ITPK1: variants seen among roughly 807,000 people sequenced by gnomAD.
The protein encoded by ITPK1 is inositol 1,3,4-trisphosphate 5/6-kinase.
In ITPK1, 21 loss-of-function variants were observed where a neutral mutation model predicts 45.3. That is an observed-to-expected ratio of 0.46 (90% CI 0.33 to 0.67). The LOEUF (loss-of-function observed/expected upper bound fraction) is 0.67. Ranked by LOEUF, ITPK1 falls within the 30% of genes least tolerant of loss-of-function variation. ITPK1 has a pLI of 0.02. For missense variants in ITPK1, 474 were observed against 573.5 expected, an observed-to-expected ratio of 0.83 and a Z score of 1.77; for synonymous variants, 258 against 253.6, an observed-to-expected ratio of 1.02 and a Z score of -0.16.
At chr14:93,107,964 G>A (rs370101024) in intron 2 of ITPK1, among the ~76,000 whole-genome samples, 5 of 152,350 alleles carry the variant, frequency 3.3e-5, no homozygotes, top group South Asian at 2.1e-4. Flanking sequence ...GGCCGCAGCC[G>A]GGAGGAAAGG....
intron 2 of ITPK1, among the ~76,000 whole-genome samples, chr14:93,110,049 A>G (rs1489148486): frequency 5.9e-5 from 9 of 152,138 alleles, no homozygotes; most frequent in African/African-American, 2.2e-4. Context: ...AAGCTAAATT[A>G]TTACCCTCAC....
chr14:92,986,973 T>G (rs1886516319), intron 5 of ITPK1, among the ~76,000 whole-genome samples: 1 of 152,212 alleles, frequency 6.6e-6, no homozygotes, highest in African/African-American at 2.4e-5. Context: ...TGCCAGGGGC[T>G]GCTGCCCTGT....
At chr14:92,948,985 C>A (rs1887827533) in intron 9 of ITPK1, among the ~76,000 whole-genome samples, 1 of 151,962 alleles carries the variant, frequency 6.6e-6, no homozygotes. Flanking sequence ...ACACAGGGCC[C>A]CCCTGCTCAC....
At chr14:93,078,323 G>A (rs1411427438) in intron 2 of ITPK1, among the ~76,000 whole-genome samples, 1 of 152,110 alleles carries the variant, frequency 6.6e-6, no homozygotes, top group East Asian at 1.9e-4. Context: ...ATTCAGTGAG[G>A]GCTTCCTCAA....
chr14:92,957,644 G>A (rs554065366), intron 8 of ITPK1, among the ~76,000 whole-genome samples: 34 of 152,306 alleles, frequency 2.2e-4, no homozygotes, highest in Middle Eastern at 3.4e-3. Flanking sequence ...CTCAAAACAC[G>A]CTCACTGGCA....
At chr14:93,054,892 G>T (rs1474602829) in intron 3 of ITPK1, among the ~76,000 whole-genome samples, 1 of 152,160 alleles carries the variant, frequency 6.6e-6, no homozygotes, top group Non-Finnish European at 1.5e-5. Context: ...TGAACAGCTT[G>T]AATATTTCAC....
At chr14:93,011,849 T>C (rs1250354240) in intron 4 of ITPK1, among the ~76,000 whole-genome samples, 1 of 152,154 alleles carries the variant, frequency 6.6e-6, no homozygotes, top group African/African-American at 2.4e-5. Flanking sequence ...CTCTTGCCAA[T>C]TATATCTGAT....
chr14:93,028,290 C>A (rs1347007016), intron 3 of ITPK1, among the ~76,000 whole-genome samples: 1 of 152,192 alleles, frequency 6.6e-6, no homozygotes, highest in Non-Finnish European at 1.5e-5. Flanking sequence ...ATTCTTGAGT[C>A]ACTGCTTGGA....
rs1462540436 is a variant in ITPK1, at chr14:93,074,084, T to G, written c.120+2511A>C. Among the ~76,000 whole-genome samples, 5 of 152,234 alleles carry G rather than the reference T, an allele frequency of 3.3e-5. No homozygotes were observed. The East Asian group carries it at 9.6e-4, about 29-fold the overall frequency. On this transcript the variant is annotated intron_variant, in intron 3 of 10. Transcript: ENST00000267615. ...AAGCCAGCCAAGTGGCTTGGCTTCC[T>G]GTTTTTGCAGAGTCTTTCTCAATGT... is the stretch of plus-strand genomic sequence containing the variant.
At chr14:92,999,495 C>T (rs1020446565) in intron 4 of ITPK1, among the ~76,000 whole-genome samples, 4 of 152,216 alleles carry the variant, frequency 2.6e-5, no homozygotes, top group African/African-American at 9.6e-5. Context: ...GGTCCTGCTC[C>T]ACACGCTGCT....
At chr14:93,035,925 C>A (rs1327648851) in intron 3 of ITPK1, among the ~76,000 whole-genome samples, 3 of 152,244 alleles carry the variant, frequency 2.0e-5, no homozygotes, top group Non-Finnish European at 4.4e-5. Context: ...CTAAGGGTGG[C>A]AGGCCCAGGT....
chr14:92,971,477 G>A (rs1241385742), intron 5 of ITPK1, among the ~76,000 whole-genome samples: 1 of 152,202 alleles, frequency 6.6e-6, no homozygotes, highest in Non-Finnish European at 1.5e-5. Context: ...TTAAACCCTG[G>A]CACTAGCAGG....
Position 92,938,506 on chromosome 14 carries a change from T to C in ITPK1, c.*3055A>G, listed in dbSNP as rs1025199109. The C allele has an allele frequency of 2.5e-6, 4 of 1,613,494 alleles. No individual in the cohort carries two copies. In the African/African-American group the frequency reaches 4.0e-5, roughly 16 times the overall value. On this transcript the variant is annotated 3_prime_UTR_variant, in exon 11 of 11. Coordinates refer to ENST00000267615, the MANE Select transcript of ITPK1 (RefSeq NM_014216.6). ...CTTCAGTCGGTCTTCCAGCCTTCTA[T>C]AAAGCACACTTGGCAGTCCCCTGGG...
At chr14:92,983,757 C>T (rs1384346981) in intron 5 of ITPK1, among the ~76,000 whole-genome samples, 2 of 152,036 alleles carry the variant, frequency 1.3e-5, no homozygotes, top group Non-Finnish European at 2.9e-5. Flanking sequence ...CTGAGAAATC[C>T]CACTTCTAGG....
intron 2 of ITPK1, among the ~76,000 whole-genome samples, chr14:93,104,214 G>A (rs1284550708): frequency 2.0e-5 from 3 of 152,158 alleles, no homozygotes; most frequent in Non-Finnish European, 2.9e-5. Flanking sequence ...GGCAGGGCGC[G>A]GTCGCTCACA....
intron 3 of ITPK1, among the ~76,000 whole-genome samples, chr14:93,033,607 G>A (rs933657211): frequency 6.6e-6 from 1 of 152,166 alleles, no homozygotes; most frequent in East Asian, 1.9e-4. Context: ...GGCTCCTGCT[G>A]AGAAAACCAA....
At chr14:92,949,148 C>T (rs1475317652) in intron 9 of ITPK1, among the ~76,000 whole-genome samples, 2 of 151,534 alleles carry the variant, frequency 1.3e-5, no homozygotes, top group South Asian at 2.1e-4. Context: ...GGCTACAGTG[C>T]AATGGCGAGA....
At chr14:93,114,968 C>T (rs1008057555) in intron 2 of ITPK1, 101 bp downstream of exon 2, 6 of 624,326 alleles carry the variant, frequency 9.6e-6, no homozygotes, top group Admixed American at 4.2e-5. Context: ...CGTTTGGCTC[C>T]GATCTCCCAA....
At chr14:92,954,042 T>C (rs1031474751) in intron 8 of ITPK1, among the ~76,000 whole-genome samples, 2 of 152,152 alleles carry the variant, frequency 1.3e-5, no homozygotes, top group Non-Finnish European at 1.5e-5. Context: ...TACAGGCACC[T>C]GCCACCACGC....
Sources: allele counts gnomAD v4.1 joint callset (sites outside exome capture counted in the v4.1 genomes callset), GRCh38; gene constraint gnomAD v4.1.1; transcripts MANE v1.5; gene names NCBI Gene and HGNC (gene_info 2026-07-23, HGNC 2026-07-21).